Variants in PRUNE2 observed in about 807,000 individuals in gnomAD.
PRUNE2 encodes the protein protein prune homolog 2.
PRUNE2 carries 164 observed loss-of-function variants against 252.0 expected under a neutral mutation model. The observed-to-expected ratio is 0.65, with a 90% CI of 0.57 to 0.74. The LOEUF is 0.74. Among genes scored for constraint, PRUNE2 ranks in the 30% least tolerant of loss-of-function variants. The pLI, the probability that PRUNE2 is intolerant of heterozygous loss-of-function variation, is 0.00. For missense variants in PRUNE2, 3,495 were observed against 3,711.0 expected (o/e 0.94, Z 1.51); for synonymous variants, 1,292 against 1,350.2 (o/e 0.96, Z 0.94).
intron 4 of PRUNE2, among the ~76,000 whole-genome samples, chr9:76,834,697 G>A (rs2132178586): frequency 6.6e-6 from 1 of 152,274 alleles, no homozygotes; most frequent in East Asian, 1.9e-4. Context: ...TATTACAAAG[G>A]AGATGATATA....
intron 15 of PRUNE2, among the ~76,000 whole-genome samples, chr9:76,630,876 C>T (rs1175621589): frequency 1.3e-5 from 2 of 152,202 alleles, no homozygotes; most frequent in Non-Finnish European, 2.9e-5. Context: ...AAAGTATATC[C>T]AAGGGTCTAA....
At chr9:76,773,362 T>C (rs1302744400) in intron 6 of PRUNE2, among the ~76,000 whole-genome samples, 1 of 151,516 alleles carries the variant, frequency 6.6e-6, no homozygotes, top group Non-Finnish European at 1.5e-5. Flanking sequence ...TAGCGGACAA[T>C]CTTTTCTTTA....
intron 16 of PRUNE2, among the ~76,000 whole-genome samples, chr9:76,628,600 C>G (rs1230841019): frequency 6.6e-6 from 1 of 152,050 alleles, no homozygotes; most frequent in East Asian, 1.9e-4. Context: ...AGACAGTATA[C>G]CAATTAACCA....
chr9:76,870,341 T>C (rs2061112783), intron 1 of PRUNE2, among the ~76,000 whole-genome samples: 1 of 151,874 alleles, frequency 6.6e-6, no homozygotes, highest in African/African-American at 2.4e-5. Context: ...GCTGATAATT[T>C]AGTTCCCTCT....
chr9:76,887,763 G>A (rs561858945), intron 1 of PRUNE2, among the ~76,000 whole-genome samples: 1 of 152,324 alleles, frequency 6.6e-6, no homozygotes, highest in South Asian at 2.1e-4. Context: ...AATGCAGAAG[G>A]CACTTGGAGC....
intron 11 of PRUNE2, 131 bp from the exon 12 acceptor site, chr9:76,645,040 C>G: frequency 2.6e-6 from 2 of 757,296 alleles, no homozygotes; most frequent in Non-Finnish European, 4.3e-6. Flanking sequence ...CCTGCAGAAA[C>G]AACCTGATCA....
At chr9:76,889,321 C>T (rs1326070817) in intron 1 of PRUNE2, among the ~76,000 whole-genome samples, 1 of 140,602 alleles carries the variant, frequency 7.1e-6, no homozygotes, top group Non-Finnish European at 1.5e-5. Context: ...TGGCTCTCTG[C>T]ATGGTGGCGT....
chr9:76,798,966 CTT>C (rs913975611), intron 6 of PRUNE2, among the ~76,000 whole-genome samples: 3 of 152,332 alleles, frequency 2.0e-5, no homozygotes, highest in African/African-American at 7.2e-5. Context: ...TGGAAAAGAA[CTT>C]TTTGGAGAAT....
At chr9:76,818,052 A>G (rs1304856567) in intron 6 of PRUNE2, among the ~76,000 whole-genome samples, 1 of 152,216 alleles carries the variant, frequency 6.6e-6, no homozygotes, top group Non-Finnish European at 1.5e-5. Flanking sequence ...AATATGCTAA[A>G]GATTTACTAG....
At chr9:76,700,860 T>C (rs1307764202) in intron 9 of PRUNE2, among the ~76,000 whole-genome samples, 2 of 152,216 alleles carry the variant, frequency 1.3e-5, no homozygotes, top group South Asian at 4.1e-4. Context: ...GGTTGCCCTA[T>C]GTAAAGTGAA....
intron 1 of PRUNE2, among the ~76,000 whole-genome samples, chr9:76,861,581 A>G (rs2060549860): frequency 6.6e-6 from 1 of 152,134 alleles, no homozygotes; most frequent in Non-Finnish European, 1.5e-5. Flanking sequence ...GGCTTCTTGA[A>G]GCCTGGAGCA....
In PRUNE2 at chr9:76,710,116, A is replaced by G. The variant is rs2046610276; in HGVS notation, c.2158T>C (p.Phe720Leu). 14 of 1,613,992 alleles carry G rather than the reference A, an allele frequency of 8.7e-6. No individual in the cohort carries two copies. The East Asian group carries it at 3.1e-4, about 36-fold the overall frequency. The stretch of plus-strand genomic sequence containing the variant: ...TTGCTACCCAGTTCAGGCTGACCAA[A>G]TTCAGACTCCCAGGGACCTGACTTT... ...FTKSGPWESEFGQPELGSNDI... is the reference protein window; with the variant it reads ...FTKSGPWESELGQPELGSNDI... The change falls in exon 8 of 19, where the codon TTT (phenylalanine) becomes CTT (leucine). Residue 720 changes from phenylalanine (F) to leucine (L), a missense_variant. Coordinates refer to ENST00000376718, the MANE Select transcript of PRUNE2 (RefSeq NM_015225.3).
chr9:76,707,296 T>C lies in PRUNE2; in HGVS notation c.4978A>G (p.Ser1660Gly). The change falls in exon 8 of 19, where the codon AGC becomes GGC. Residue 1660 changes from serine to glycine, a missense_variant. Ser to Gly is a moderately conservative substitution (Grantham distance 56). Coordinates refer to ENST00000376718, the MANE Select transcript of PRUNE2 (RefSeq NM_015225.3). Reference protein sequence around the residue: ...GTHQESNLIASYQEKNEHDIS... With the variant: ...GTHQESNLIAGYQEKNEHDIS... ...TCATGTTCATTTTTCTCCTGGTAGCTAGCAATTAGATTGCTTTCCTGATGT... is the reference window on the plus strand; with the variant it reads ...TCATGTTCATTTTTCTCCTGGTAGCCAGCAATTAGATTGCTTTCCTGATGT... The C allele has an allele frequency of 6.2e-7, 1 of 1,613,946 alleles. No individual in the cohort carries two copies.
At chr9:76,678,883 G>C (rs932161309) in intron 9 of PRUNE2, among the ~76,000 whole-genome samples, 1 of 152,098 alleles carries the variant, frequency 6.6e-6, no homozygotes, top group Non-Finnish European at 1.5e-5. Context: ...CCCTTCCTTC[G>C]AGAAGCACAG....
chr9:76,693,010 A>T (rs1025912420), intron 9 of PRUNE2: 1 of 138,008 alleles, frequency 7.2e-6, no homozygotes, highest in African/African-American at 2.9e-5. Flanking sequence ...AAAAAAAAAA[A>T]GGTAAGATAA....
chr9:76,837,367 G>A (rs543734512), intron 4 of PRUNE2, among the ~76,000 whole-genome samples: 24 of 151,818 alleles, frequency 1.6e-4, no homozygotes, highest in East Asian at 7.8e-4. Flanking sequence ...GCTTGAACCC[G>A]GGAGGCAGAG....
In PRUNE2 at chr9:76,905,841, C is replaced by T. The variant is rs192607128; in HGVS notation, c.36+87G>A. 176 of 1,557,548 alleles carry T rather than the reference C, an allele frequency of 1.1e-4. No individual in the cohort carries two copies. In the African/African-American group the frequency reaches 2.0e-3, roughly 18 times the overall value. On this transcript the variant is annotated intron_variant, in intron 1 of 18. Transcript: ENST00000376718. ...TAACTCCGTGGCAAAGTTGTTTCTT[C>T]CTCCTCTGCTGCAACACCTTTTCCT...
chr9:76,768,579 A>ATG (rs1491333441), intron 6 of PRUNE2, among the ~76,000 whole-genome samples: 13 of 100,510 alleles, frequency 1.3e-4, no homozygotes, highest in East Asian at 1.0e-3. Context: ...ATATATGTAT[A>ATG]TGTATGTGTG....
chr9:76,825,999 G>C (rs368330012), intron 5 of PRUNE2, among the ~76,000 whole-genome samples: 1 of 152,138 alleles, frequency 6.6e-6, no homozygotes, highest in Non-Finnish European at 1.5e-5. Flanking sequence ...TCAGCATAAG[G>C]ATTGCATGTA....
Sources: allele counts gnomAD v4.1 joint callset (sites outside exome capture counted in the v4.1 genomes callset), GRCh38; gene constraint gnomAD v4.1.1; transcripts MANE v1.5; gene names NCBI Gene and HGNC (gene_info 2026-07-23, HGNC 2026-07-21).